The following UBN2 variants were observed in gnomAD, a reference collection of about 807,000 sequenced individuals.
UBN2 encodes the protein ubinuclein 2.
In UBN2, 35 loss-of-function variants were observed where a neutral mutation model predicts 120.2. The ratio of observed to expected loss-of-function variants is 0.29; its 90% CI spans 0.22 to 0.39. The LOEUF (loss-of-function observed/expected upper bound fraction) is 0.39, where lower values mean the gene tolerates loss of function less well. Ranked by LOEUF, UBN2 falls within the 10% of genes least tolerant of loss-of-function variation. The pLI is 1.00. For missense variants in UBN2, 1,693 were observed against 1,663.2 expected (o/e 1.02, Z -0.31); for synonymous variants, 661 against 648.7 (o/e 1.02, Z -0.29).
downstream of UBN2, among the ~76,000 whole-genome samples, chr7:139,311,535 C>T (rs949470953): frequency 2.0e-5 from 3 of 152,206 alleles, no homozygotes; most frequent in Non-Finnish European, 1.5e-5. Flanking sequence ...GGGTGAGACC[C>T]CAGGCGGGTG....
At chr7:139,284,997 C>T (rs757764724) in intron 15 of UBN2, among the ~76,000 whole-genome samples, 6 of 152,038 alleles carry the variant, frequency 3.9e-5, no homozygotes, top group Non-Finnish European at 8.8e-5. Context: ...TTTTCTCCTG[C>T]CAATTTTCTT....
chr7:139,285,154 G>A (rs1466707911), intron 15 of UBN2, among the ~76,000 whole-genome samples: 4 of 151,810 alleles, frequency 2.6e-5, no homozygotes, highest in Non-Finnish European at 4.4e-5. Context: ...TTTCCCGTTC[G>A]TGAATTTTTA....
At chr7:139,234,779 T>C (rs1277663648) in intron 1 of UBN2, among the ~76,000 whole-genome samples, 1 of 152,232 alleles carries the variant, frequency 6.6e-6, no homozygotes, top group Non-Finnish European at 1.5e-5. Flanking sequence ...GAAAAATAAG[T>C]GATTAAGTGT....
At chr7:139,313,246 T>A in the UBN2 span, among the ~76,000 whole-genome samples, 2 of 152,196 alleles carry the variant, frequency 1.3e-5, no homozygotes, top group Non-Finnish European at 2.9e-5. Context: ...TTAAGAAGAA[T>A]AATAGAATCT....
At chr7:139,324,341 G>A in the UBN2 span, among the ~76,000 whole-genome samples, 660 of 151,874 alleles carry the variant, frequency 4.3e-3, 14 homozygotes, top group East Asian at 0.04. Context: ...AGGCCGAGGC[G>A]GGAGGATCAT....
rs751583559 is a variant in UBN2 at position 139,279,339 on chromosome 7, T to A, written c.2046T>A (p.Pro682=). The A allele has an allele frequency of 8.7e-6, 14 of 1,608,322 alleles. No homozygotes were observed. The South Asian group carries it at 8.9e-5, about 10-fold the overall frequency. ...TTAGGGCAAAGAAAAAGGTGATTCCTGCACCTAAACCCAAAGTAAAGGTAA... is the reference window on the plus strand; with the variant it reads ...TTAGGGCAAAGAAAAAGGTGATTCCAGCACCTAAACCCAAAGTAAAGGTAA... ...TSAPAKKKVI[P]APKPKVKEVM... The change falls in exon 13 of 18, where the codon CCT becomes CCA. Residue 682 remains proline (P), a synonymous_variant. Coordinates refer to ENST00000473989, the MANE Select transcript of UBN2 (RefSeq NM_173569.4).
At chr7:139,273,236 G>A (rs1409320530) in intron 9 of UBN2, 61 bp from the exon 10 acceptor site, 2 of 1,076,060 alleles carry the variant, frequency 1.9e-6, no homozygotes, top group Non-Finnish European at 2.7e-6. Context: ...TATTTATGGA[G>A]CATATTATAT....
chr7:139,259,436 A>G, intron 5 of UBN2, 66 bp downstream of exon 5: 1 of 1,580,618 alleles, frequency 6.3e-7, no homozygotes, highest in Non-Finnish European at 8.6e-7. Context: ...CTTTAGAAAG[A>G]TATACTTACC....
At chr7:139,325,108 T>C in the UBN2 span, among the ~76,000 whole-genome samples, 5 of 152,152 alleles carry the variant, frequency 3.3e-5, no homozygotes, top group Non-Finnish European at 5.9e-5. Context: ...TCAAAATATG[T>C]GTTTCATTTT....
In UBN2 at chr7:139,231,583, C is replaced by G. The variant is rs1421933946; in HGVS notation, c.99C>G (p.Arg33=). ...CCGAGCGTGAGCCCGAGTACCCCCG[C>G]GAGCCCCCCCGGCTGGAGCCGCAGC... ...PGPEREPEYP[R]EPPRLEPQPY... is the part of the protein sequence containing the mutation. The change falls in exon 1 of 18, where the codon CGC becomes CGG. Residue 33 remains arginine, a synonymous_variant. Transcript: ENST00000473989. 7.2e-7 allele frequency: 1 copy of G among 1,394,930 alleles called. No homozygotes were observed. Among genetic ancestry groups the G allele is most frequent in the African/African-American group, 1.5e-5 (1 of 67,678 alleles). 86.4% of individuals were successfully genotyped at this position (1,394,930 alleles called of 1,614,324 possible).
chr7:139,235,497 C>T (rs994771754), intron 1 of UBN2, among the ~76,000 whole-genome samples: 5 of 152,184 alleles, frequency 3.3e-5, no homozygotes, highest in African/African-American at 1.2e-4. Context: ...ACTTCCACCT[C>T]CCAGGTTCAA....
At chr7:139,232,449 G>A (rs916166845) in intron 1 of UBN2, among the ~76,000 whole-genome samples, 1 of 152,208 alleles carries the variant, frequency 6.6e-6, no homozygotes, top group Non-Finnish European at 1.5e-5. Flanking sequence ...GGGCGCCGTG[G>A]CTGCTGAGGT....
chr7:139,261,696 G>A lies in UBN2; in HGVS notation c.1350G>A (p.Glu450=), dbSNP rs770479208. The change falls in exon 6 of 18, where the codon GAG becomes GAA. Residue 450 remains glutamate (E), a synonymous_variant. Coordinates refer to ENST00000473989, the MANE Select transcript of UBN2 (RefSeq NM_173569.4). ...CCAAAGTGGTACCTACACTCCCAGAGGGTCTACCTGTACTTCTTGAAAAAC... is the reference window on the plus strand; with the variant it reads ...CCAAAGTGGTACCTACACTCCCAGAAGGTCTACCTGTACTTCTTGAAAAAC... The part of the protein sequence containing the change: ...VMPKVVPTLP[E]GLPVLLEKRI... 6.2e-7 allele frequency: 1 copy of A among 1,613,980 alleles called. No individual in the cohort carries two copies. Among genetic ancestry groups the A allele is most frequent in the Non-Finnish European group, 8.5e-7 (1 of 1,180,004 alleles).
chr7:139,318,642 C>G, the UBN2 span, among the ~76,000 whole-genome samples: 1 of 151,998 alleles, frequency 6.6e-6, no homozygotes, highest in Non-Finnish European at 1.5e-5. Flanking sequence ...ACTACAGGTG[C>G]GTGCCACCAT....
At position 139,282,182 on chromosome 7, in the gene UBN2, TAAAAA is replaced by T. The variant is rs1219869979; in HGVS notation, c.2118+128_2118+132del. 3 of 650,880 alleles carry T rather than the reference TAAAAA, an allele frequency of 4.6e-6. No individual in the cohort carries two copies. The East Asian group carries it at 8.6e-5, about 19-fold the overall frequency. The allele number at this position is 650,880 out of a possible 1,614,324, so 40.3% of individuals were successfully genotyped here. On this transcript the variant is annotated intron_variant, in intron 14 of 17. Coordinates refer to ENST00000473989, the MANE Select transcript of UBN2 (RefSeq NM_173569.4). The stretch of plus-strand genomic sequence containing the variant: ...GTAATAGGCTTTTGCTTCTCAGTCT[TAAAAA>T]TAAAATGAGTCAAATACTTTTATCT...
chr7:139,267,457 G>T (rs1483217811), intron 7 of UBN2, among the ~76,000 whole-genome samples: 1 of 151,686 alleles, frequency 6.6e-6, no homozygotes, highest in East Asian at 1.9e-4. Context: ...GATTCATTAA[G>T]CCTGGGAGAT....
chr7:139,277,856 A>T (rs982526382), intron 12 of UBN2: 1 of 152,204 alleles, frequency 6.6e-6, no homozygotes, highest in Non-Finnish European at 1.5e-5. Flanking sequence ...ATTTTTTCCT[A>T]TACATACATT....
downstream of UBN2, among the ~76,000 whole-genome samples, chr7:139,308,963 G>A (rs1204122842): frequency 4.6e-5 from 7 of 152,192 alleles, no homozygotes; most frequent in South Asian, 2.1e-4. Context: ...CCAGCTACTC[G>A]GGAAGCTGAG....
intron 11 of UBN2, among the ~76,000 whole-genome samples, chr7:139,274,528 C>G (rs1011525048): frequency 1.3e-5 from 2 of 151,972 alleles, no homozygotes; most frequent in African/African-American, 4.8e-5. Flanking sequence ...TTTGGGAGGC[C>G]AAGGCAGGTG....
Sources: gnomAD v4.1 joint callset for allele counts (sites outside exome capture counted in the v4.1 genomes callset) on GRCh38, gnomAD v4.1.1 for gene constraint, MANE v1.5 for transcripts, NCBI Gene and HGNC (gene_info 2026-07-23, HGNC 2026-07-21) for gene names.